Variants in TBC1D12 observed in about 807,000 individuals in gnomAD.
TBC1D12 encodes TBC1 domain family, member 12.
In TBC1D12, 56 loss-of-function variants were observed where a neutral mutation model predicts 86.7. The ratio of observed to expected loss-of-function variants is 0.65; its 90% CI spans 0.52 to 0.81. The LOEUF is 0.81. TBC1D12 is among the 30% of genes least tolerant of loss of function. TBC1D12 has a pLI of 0.00. For synonymous variants in TBC1D12, 421 were observed against 411.7 expected, an observed-to-expected ratio of 1.02 and a Z score of -0.27; for missense variants, 1,023 against 1,038.8, an observed-to-expected ratio of 0.98 and a Z score of 0.21.
intron 11 of TBC1D12, 40 bp from the exon 12 acceptor site, chr10:94,531,162 A>T (rs1468290395): frequency 6.3e-7 from 1 of 1,587,364 alleles, no homozygotes; most frequent in African/African-American, 1.3e-5. Flanking sequence ...TGAGTCAATG[A>T]ATGAAAAATT....
intron 5 of TBC1D12, 84 bp downstream of exon 5, chr10:94,497,256 T>C: frequency 1.3e-6 from 1 of 744,286 alleles, no homozygotes; most frequent in South Asian, 2.0e-5. Flanking sequence ...ATTATTATTA[T>C]ACTTTAAGTT....
chr10:94,531,901 GTTATGTTATT>G (rs1186144293), intron 12 of TBC1D12, among the ~76,000 whole-genome samples: 3 of 149,866 alleles, frequency 2.0e-5, no homozygotes, highest in South Asian at 4.2e-4. Flanking sequence ...GTTATGTTAT[GTTATGTTATT>G]TTATTGTCAC....
At chr10:94,487,325 G>GT (rs2056179460) in intron 3 of TBC1D12, among the ~76,000 whole-genome samples, 1 of 149,214 alleles carries the variant, frequency 6.7e-6, no homozygotes, top group South Asian at 2.1e-4. Context: ...AGTGTTATTG[G>GT]TAAGTAAGAA....
chr10:94,518,532 G>A (rs1039229127), intron 9 of TBC1D12, among the ~76,000 whole-genome samples: 1 of 152,102 alleles, frequency 6.6e-6, no homozygotes, highest in South Asian at 2.1e-4. Flanking sequence ...TTTGCGGAAC[G>A]ACCCTCAACT....
At chr10:94,504,806 A>G (rs1166676279) in intron 6 of TBC1D12, among the ~76,000 whole-genome samples, 14 of 152,228 alleles carry the variant, frequency 9.2e-5, no homozygotes, top group Admixed American at 9.2e-4. Flanking sequence ...TGCTGAGAGT[A>G]TGGATAATAT....
At chr10:94,466,307 A>G (rs890082950) in intron 2 of TBC1D12, among the ~76,000 whole-genome samples, 2 of 152,048 alleles carry the variant, frequency 1.3e-5, no homozygotes, top group South Asian at 2.1e-4. Flanking sequence ...TTATTTGTCC[A>G]TATTTATTAT....
At chr10:94,507,745 G>T (rs1323921775) in intron 7 of TBC1D12, among the ~76,000 whole-genome samples, 2 of 152,122 alleles carry the variant, frequency 1.3e-5, no homozygotes, top group South Asian at 2.1e-4. Context: ...TGGCACTTTG[G>T]GGGGCCAAGG....
chr10:94,531,059 C>T (rs935527201), intron 11 of TBC1D12, 143 bp from the exon 12 acceptor site: 10 of 885,320 alleles, frequency 1.1e-5, no homozygotes, highest in East Asian at 2.6e-5. Flanking sequence ...GGGGTTTCAC[C>T]GTGTTGGCCA....
intron 1 of TBC1D12, among the ~76,000 whole-genome samples, chr10:94,417,732 G>A (rs1255797916): frequency 6.7e-6 from 1 of 150,204 alleles, no homozygotes; most frequent in East Asian, 2.0e-4. Flanking sequence ...TTACCTCTAT[G>A]TATATGTGTC....
At chr10:94,410,454 T>C (rs1196237742) in intron 1 of TBC1D12, among the ~76,000 whole-genome samples, 1 of 152,194 alleles carries the variant, frequency 6.6e-6, no homozygotes, top group East Asian at 1.9e-4. Flanking sequence ...TTGCCCAGGC[T>C]GGTGTCGAAC....
At position 94,403,497 on chromosome 10, in the gene TBC1D12, C is replaced by A; in HGVS notation, c.884C>A (p.Pro295Gln). 1.3e-6 allele frequency: 2 copies of A among 1,548,912 alleles called. No individual in the cohort carries two copies. Among genetic ancestry groups the A allele is most frequent in the Non-Finnish European group, 1.7e-6 (2 of 1,149,344 alleles). ...ARDHLPPAGPPVPLPAAEQGP... is the reference protein window; with the variant it reads ...ARDHLPPAGPQVPLPAAEQGP... ...GATCACCTGCCCCCGGCGGGGCCGCCGGTGCCCTTGCCCGCCGCGGAGCAG... is the reference window on the plus strand; with the variant it reads ...GATCACCTGCCCCCGGCGGGGCCGCAGGTGCCCTTGCCCGCCGCGGAGCAG... Residue 295 changes from proline (P) to glutamine (Q), a missense_variant, in exon 1 of 13, where the codon CCG becomes CAG. Coordinates refer to ENST00000225235, the MANE Select transcript of TBC1D12 (RefSeq NM_015188.2).
intron 1 of TBC1D12, among the ~76,000 whole-genome samples, chr10:94,404,620 T>C (rs2054825488): frequency 1.4e-5 from 2 of 145,382 alleles, no homozygotes; most frequent in Admixed American, 1.4e-4. Flanking sequence ...CACTCCAGCC[T>C]GGGGGACAAG....
intron 1 of TBC1D12, among the ~76,000 whole-genome samples, chr10:94,425,400 T>G (rs1378581435): frequency 1.3e-5 from 2 of 152,234 alleles, no homozygotes; most frequent in Non-Finnish European, 2.9e-5. Context: ...GTCAATTTTG[T>G]TCTATGTCAG....
At chr10:94,409,126 G>C (rs943061732) in intron 1 of TBC1D12, among the ~76,000 whole-genome samples, 3 of 151,932 alleles carry the variant, frequency 2.0e-5, no homozygotes, top group Admixed American at 1.3e-4. Context: ...CCCTACCTCA[G>C]ATCCCGTATT....
chr10:94,489,274 T>C (rs1273962494), intron 3 of TBC1D12, among the ~76,000 whole-genome samples: 9 of 152,220 alleles, frequency 5.9e-5, no homozygotes, highest in Non-Finnish European at 1.2e-4. Context: ...GATTTTGCTT[T>C]CCATGTGCTA....
At chr10:94,463,043 T>TATG (rs2055752981) in intron 2 of TBC1D12, among the ~76,000 whole-genome samples, 1 of 152,254 alleles carries the variant, frequency 6.6e-6, no homozygotes, top group African/African-American at 2.4e-5. Flanking sequence ...TTCCTCTAAC[T>TATG]GTGCTTTAGC....
At chr10:94,465,326 A>T (rs2055790031) in intron 2 of TBC1D12, among the ~76,000 whole-genome samples, 1 of 152,178 alleles carries the variant, frequency 6.6e-6, no homozygotes, top group Admixed American at 6.5e-5. Flanking sequence ...ATCTCACAAA[A>T]ATCTAACTCT....
rs193072556 is a variant in TBC1D12, at chr10:94,535,819, A to G, written c.*2723A>G. ...GTTTTTCTTATTTTTTTATTATTGTACAGTTTCTTTACCTTTCAAGTATAA... is the reference window on the plus strand; with the variant it reads ...GTTTTTCTTATTTTTTTATTATTGTGCAGTTTCTTTACCTTTCAAGTATAA... On this transcript the variant is annotated 3_prime_UTR_variant, in exon 13 of 13. Coordinates refer to ENST00000225235, the MANE Select transcript of TBC1D12 (RefSeq NM_015188.2). 7 of 152,190 alleles carry G rather than the reference A, an allele frequency of 4.6e-5. No individual in the cohort carries two copies. Among genetic ancestry groups the G allele is most frequent in the African/African-American group, 1.7e-4 (7 of 41,558 alleles). The allele number at this position is 152,190 out of a possible 1,614,324, so 9.4% of individuals were successfully genotyped here.
In TBC1D12 at chr10:94,403,073, G is replaced by A. The variant is rs2054792484; in HGVS notation, c.460G>A (p.Gly154Arg). 1.4e-6 allele frequency: 2 copies of A among 1,468,396 alleles called. No individual in the cohort carries two copies. Among genetic ancestry groups the A allele is most frequent in the African/African-American group, 2.9e-5 (2 of 67,816 alleles). 91.0% of individuals were successfully genotyped at this position (1,468,396 alleles called of 1,614,324 possible). The change falls in exon 1 of 13, where the codon GGG (glycine) becomes AGG (arginine). Residue 154 changes from glycine to arginine, a missense_variant. Gly to Arg is a moderately radical substitution (Grantham distance 125). This residue lies in a region of TBC1D12 where 628 missense variants were observed against 531.1 expected (regional missense o/e 1.18). Transcript: ENST00000225235. ...CTGTCGCGATCTGGAAGAGGCTCGC[G>A]GGCTGGCGCGCGCCGGCGGCCGGGA... ...RDCRDLEEAR[G>R]LARAGGRESR...
Sources: gnomAD v4.1 joint callset for allele counts (sites outside exome capture counted in the v4.1 genomes callset) on GRCh38, gnomAD v4.1.1 for gene constraint, gnomAD v4.1.1 regional missense constraint, MANE v1.5 for transcripts, NCBI Gene and HGNC (gene_info 2026-07-23, HGNC 2026-07-21) for gene names.